PDE4B: variants seen among roughly 807,000 people sequenced by gnomAD.
PDE4B encodes phosphodiesterase 4B.
PDE4B carries 20 observed loss-of-function variants against 82.2 expected under a neutral mutation model. The observed-to-expected ratio is 0.24, with a 90% CI of 0.17 to 0.35. The LOEUF is 0.35. Ranked by LOEUF, PDE4B falls within the 10% of genes least tolerant of loss-of-function variation. The pLI, the probability that PDE4B is intolerant of heterozygous loss-of-function variation, is 1.00. For missense variants in PDE4B, 655 were observed against 907.2 expected (o/e 0.72, Z 3.57); for synonymous variants, 320 against 318.9 (o/e 1.00, Z -0.04).
intron 3 of PDE4B, among the ~76,000 whole-genome samples, chr1:66,008,239 G>A (rs1437197269): frequency 6.6e-6 from 1 of 152,118 alleles, no homozygotes; most frequent in African/African-American, 2.4e-5. Flanking sequence ...TTTGGAGGAT[G>A]AAAGGTTATG....
chr1:66,009,294 T>C (rs1652332940), intron 3 of PDE4B, among the ~76,000 whole-genome samples: 1 of 152,208 alleles, frequency 6.6e-6, no homozygotes, highest in Admixed American at 6.5e-5. Context: ...CCACTTCTCA[T>C]CACCAGCTGT....
intron 3 of PDE4B, among the ~76,000 whole-genome samples, chr1:66,048,557 T>C (rs1654841181): frequency 6.6e-6 from 1 of 151,972 alleles, no homozygotes; most frequent in African/African-American, 2.4e-5. Context: ...GAAAGTAGTC[T>C]AGGAGAAATA....
chr1:66,350,383 T>C (rs1661733831), intron 8 of PDE4B, among the ~76,000 whole-genome samples: 1 of 152,068 alleles, frequency 6.6e-6, no homozygotes, highest in Non-Finnish European at 1.5e-5. Context: ...GACACCTTTT[T>C]ATTCTCTGTT....
chr1:66,261,797 A>G (rs974577950), intron 6 of PDE4B, among the ~76,000 whole-genome samples: 2 of 152,288 alleles, frequency 1.3e-5, no homozygotes, highest in Non-Finnish European at 1.5e-5. Context: ...TAAAACCTAC[A>G]CTTCCTTTGT....
chr1:66,281,327 C>T (rs1362439848), intron 7 of PDE4B, among the ~76,000 whole-genome samples: 1 of 152,216 alleles, frequency 6.6e-6, no homozygotes, highest in Non-Finnish European at 1.5e-5. Flanking sequence ...TACCTTTTCT[C>T]CCTTCTGTGC....
chr1:66,142,729 A>G (rs917767575), intron 3 of PDE4B, among the ~76,000 whole-genome samples: 3 of 152,210 alleles, frequency 2.0e-5, no homozygotes, highest in Admixed American at 2.0e-4. Flanking sequence ...GAAGTGCCAC[A>G]ATTATGTTCT....
At chr1:65,906,603 A>T (rs576350363) in intron 1 of PDE4B, among the ~76,000 whole-genome samples, 92 of 152,180 alleles carry the variant, frequency 6.0e-4, no homozygotes, top group African/African-American at 2.2e-3. Context: ...TAACAAATTC[A>T]TTGAGGCATT....
Position 65,990,298 on chromosome 1 carries a change from T to C in PDE4B, c.281+71463T>C, listed in dbSNP as rs145551065. ...CTTTATCTAAACTCCAGTTCACATATAGCTATATCTGGGTTGTGAAATTTG... is the reference window on the plus strand; with the variant it reads ...CTTTATCTAAACTCCAGTTCACATACAGCTATATCTGGGTTGTGAAATTTG... On this transcript the variant is annotated intron_variant, in intron 3 of 16. Transcript: ENST00000341517. 3.1e-4 allele frequency among the ~76,000 whole-genome samples: 47 copies of C among 152,322 alleles called. 1 individual carries two copies. The highest frequency in any genetic ancestry group is 1.1e-3 in the African/African-American group (44 of 41,588).
At chr1:66,306,344 G>A (rs971124015) in intron 7 of PDE4B, among the ~76,000 whole-genome samples, 21 of 152,154 alleles carry the variant, frequency 1.4e-4, no homozygotes, top group African/African-American at 5.1e-4. Flanking sequence ...ATCTGATGCG[G>A]TGTAAAAACA....
At chr1:66,218,421 T>C (rs1312129594) in intron 3 of PDE4B, among the ~76,000 whole-genome samples, 12 of 152,036 alleles carry the variant, frequency 7.9e-5, no homozygotes, top group Admixed American at 7.2e-4. Flanking sequence ...GTTTGGAAAG[T>C]ACAAAGAAGG....
chr1:65,933,894 A>C (rs1353224573), intron 3 of PDE4B, among the ~76,000 whole-genome samples: 1 of 152,208 alleles, frequency 6.6e-6, no homozygotes, highest in Non-Finnish European at 1.5e-5. Context: ...AGATATTGAA[A>C]ATATCTGTAA....
At chr1:66,009,803 T>G (rs958217894) in intron 3 of PDE4B, among the ~76,000 whole-genome samples, 1 of 152,138 alleles carries the variant, frequency 6.6e-6, no homozygotes, top group African/African-American at 2.4e-5. Flanking sequence ...TCTACCATCA[T>G]TATCCCTGAT....
At chr1:66,332,295 G>A (rs1660175335) in intron 7 of PDE4B, 5 of 1,532,436 alleles carry the variant, frequency 3.3e-6, no homozygotes, top group Non-Finnish European at 3.5e-6. Context: ...CGGGGGGTTG[G>A]GGGGAAACTT....
intron 1 of PDE4B, among the ~76,000 whole-genome samples, chr1:65,897,785 T>C (rs771043862): frequency 5.4e-4 from 82 of 152,200 alleles, no homozygotes; most frequent in Middle Eastern, 3.4e-3. Context: ...ATTAATGCTA[T>C]GATTAAAATA....
At chr1:65,808,301 AG>A (rs1645779797) in intron 1 of PDE4B, among the ~76,000 whole-genome samples, 1 of 151,646 alleles carries the variant, frequency 6.6e-6, no homozygotes, top group South Asian at 2.1e-4. Context: ...CCTCCCAAGT[AG>A]CTAGCACTAC....
chr1:66,114,623 T>C lies in PDE4B; in HGVS notation c.282-132837T>C, dbSNP rs1389255545. 2.0e-5 allele frequency among the ~76,000 whole-genome samples: 3 copies of C among 150,756 alleles called. No individual in the cohort carries two copies. The East Asian group carries it at 5.9e-4, about 30-fold the overall frequency. ...TATTTTTTCATCTCCTTGCATACAG[T>C]AGCCCACAATTTTTTTTTTTTTTTT... On this transcript the variant is annotated intron_variant, in intron 3 of 16. Transcript: ENST00000341517.
intron 3 of PDE4B, among the ~76,000 whole-genome samples, chr1:65,971,996 A>G (rs533210259): frequency 3.8e-4 from 58 of 152,214 alleles, no homozygotes; most frequent in Non-Finnish European, 6.5e-4. Context: ...TTACCAAGAT[A>G]TATCCATCAT....
intron 3 of PDE4B, among the ~76,000 whole-genome samples, chr1:66,086,143 A>AG (rs1656996900): frequency 6.6e-6 from 1 of 151,740 alleles, no homozygotes; most frequent in Non-Finnish European, 1.5e-5. Context: ...ATGGGAAAAA[A>AG]GTGGAATTAT....
intron 3 of PDE4B, among the ~76,000 whole-genome samples, chr1:65,958,917 G>A (rs1011829607): frequency 6.6e-5 from 10 of 152,142 alleles, no homozygotes; most frequent in East Asian, 1.9e-4. Context: ...ACAAATGTTC[G>A]TAACTGCATA....
Sources: allele counts gnomAD v4.1 joint callset (sites outside exome capture counted in the v4.1 genomes callset), GRCh38; gene constraint gnomAD v4.1.1; transcripts MANE v1.5; gene names NCBI Gene and HGNC (gene_info 2026-07-23, HGNC 2026-07-21).